Variants in FTO observed in about 807,000 individuals in gnomAD.
FTO encodes the protein alpha-ketoglutarate-dependent dioxygenase FTO.
FTO carries 47 observed loss-of-function variants against 63.9 expected under a neutral mutation model. The observed-to-expected ratio is 0.74, with a 90% CI of 0.58 to 0.94. FTO has a LOEUF of 0.94. FTO is among the 40% of genes least tolerant of loss of function. The probability of loss-of-function intolerance (pLI) is 0.00; values close to 1 mark genes in which losing one functional copy is unlikely to be tolerated. For synonymous variants in FTO, 207 were observed against 224.4 expected, an observed-to-expected ratio of 0.92 and a Z score of 0.69; for missense variants, 562 against 618.1, an observed-to-expected ratio of 0.91 and a Z score of 0.96.
rs2086954628 is a variant in FTO, at chr16:54,114,457, T to G, written c.*2542T>G. ...CAATAAACATATTAAAAGGATGAGA[T>G]AAGAAACCGAGAGATTTTGCTGTTT... On this transcript the variant is annotated 3_prime_UTR_variant, in exon 9 of 9. Coordinates refer to ENST00000471389, the MANE Select transcript of FTO (RefSeq NM_001080432.3). 1 of 152,160 alleles carries G rather than the reference T, an allele frequency of 6.6e-6. No individual in the cohort carries two copies. The highest frequency in any genetic ancestry group is 2.1e-4 in the South Asian group (1 of 4,832). The allele number at this position is 152,160 out of a possible 1,614,324, so 9.4% of individuals were successfully genotyped here.
intron 7 of FTO, among the ~76,000 whole-genome samples, chr16:53,910,729 T>G (rs1322697454): frequency 6.6e-6 from 1 of 152,140 alleles, no homozygotes; most frequent in Non-Finnish European, 1.5e-5. Context: ...AGAGACGAGG[T>G]TTCGCCATGT....
At chr16:53,791,659 A>G (rs2077915274) in intron 1 of FTO, among the ~76,000 whole-genome samples, 2 of 152,206 alleles carry the variant, frequency 1.3e-5, no homozygotes, top group Admixed American at 1.3e-4. Context: ...ATTTTTCATT[A>G]GTGATATAAT....
At chr16:53,787,950 C>T (rs7201850) in intron 1 of FTO, among the ~76,000 whole-genome samples, 66,947 of 151,954 alleles carry the variant, frequency 0.44, 15,207 homozygotes, top group African/African-American at 0.54. Flanking sequence ...TGACCCTGTT[C>T]TCCTGTCCTG....
At chr16:53,971,344 T>C (rs2083312805) in intron 8 of FTO, among the ~76,000 whole-genome samples, 1 of 152,230 alleles carries the variant, frequency 6.6e-6, no homozygotes, top group East Asian at 1.9e-4. Context: ...TTGGTACATA[T>C]TACCAGATTG....
intron 7 of FTO, among the ~76,000 whole-genome samples, chr16:53,907,493 G>A (rs2081569040): frequency 6.6e-6 from 1 of 152,148 alleles, no homozygotes; most frequent in Admixed American, 6.5e-5. Flanking sequence ...GCCAATGATA[G>A]AAATGCAAAA....
intron 4 of FTO, among the ~76,000 whole-genome samples, chr16:53,873,253 C>T (rs550077866): frequency 5.9e-5 from 9 of 152,032 alleles, no homozygotes; most frequent in Admixed American, 1.3e-4. Context: ...AAGCTCAATT[C>T]ATATATAGTG....
At chr16:53,961,237 T>C (rs949661178) in intron 8 of FTO, among the ~76,000 whole-genome samples, 2 of 151,968 alleles carry the variant, frequency 1.3e-5, no homozygotes, top group Non-Finnish European at 2.9e-5. Context: ...AGCCCCCAGA[T>C]AGAGTTATAG....
chr16:54,035,213 G>A (rs766313889), intron 8 of FTO, among the ~76,000 whole-genome samples: 26 of 152,200 alleles, frequency 1.7e-4, no homozygotes, highest in Non-Finnish European at 3.2e-4. Flanking sequence ...TAATTTACAG[G>A]TATATAAACT....
At chr16:53,766,432 A>G (rs1204292301) in intron 1 of FTO, among the ~76,000 whole-genome samples, 1 of 152,130 alleles carries the variant, frequency 6.6e-6, no homozygotes, top group East Asian at 1.9e-4. Flanking sequence ...TGCATTGCCC[A>G]GGCTGGTCTC....
intron 2 of FTO, among the ~76,000 whole-genome samples, chr16:53,824,221 G>A (rs919804475): frequency 4.6e-5 from 7 of 152,196 alleles, no homozygotes; most frequent in Admixed American, 4.6e-4. Flanking sequence ...TGTGTGATCT[G>A]GCCTCCGCCT....
intron 8 of FTO, among the ~76,000 whole-genome samples, chr16:53,955,460 A>C (rs1257790837): frequency 6.6e-6 from 1 of 152,178 alleles, no homozygotes; most frequent in African/African-American, 2.4e-5. Flanking sequence ...TTAAGCTGAG[A>C]TGAGGGGGAA....
intron 3 of FTO, 80 bp from the exon 4 acceptor site, chr16:53,844,075 T>C: frequency 9.1e-7 from 1 of 1,098,424 alleles, no homozygotes; most frequent in Non-Finnish European, 1.3e-6. Context: ...AAATATCAAT[T>C]CTTTCTAAAA....
chr16:54,102,520 G>C (rs1243434202), intron 8 of FTO, among the ~76,000 whole-genome samples: 1 of 152,118 alleles, frequency 6.6e-6, no homozygotes, highest in African/African-American at 2.4e-5. Context: ...AGACCAGTCT[G>C]GGCAACCTAG....
chr16:53,994,929 T>C (rs1355312995), intron 8 of FTO, among the ~76,000 whole-genome samples: 1 of 152,182 alleles, frequency 6.6e-6, no homozygotes. Context: ...GAGACGGGTT[T>C]CACCATGTTG....
intron 2 of FTO, among the ~76,000 whole-genome samples, chr16:53,819,229 C>T: frequency 6.6e-6 from 1 of 152,146 alleles, no homozygotes; most frequent in East Asian, 1.9e-4. Flanking sequence ...CACTCTGTGG[C>T]CCAGGCTTAG....
chr16:53,909,534 T>C (rs1356609303), intron 7 of FTO, among the ~76,000 whole-genome samples: 2 of 87,200 alleles, frequency 2.3e-5, no homozygotes, highest in Admixed American at 2.2e-4. Context: ...AGCCCCGCCT[T>C]TTTTTTTTTT....
At chr16:53,990,785 C>T (rs1025689317) in intron 8 of FTO, among the ~76,000 whole-genome samples, 12 of 151,644 alleles carry the variant, frequency 7.9e-5, no homozygotes, top group East Asian at 1.9e-4. Flanking sequence ...CTCCTGCCTC[C>T]GCCTCCAAAG....
rs552519975 is a variant in FTO, at chr16:54,094,629, G to T, written c.1365-17133G>T. ...CAGGTGGACTTGGGAATCCAGGGAG[G>T]CTTTGGCGTGATTCCTTCTTTTCTA... On this transcript the variant is annotated intron_variant, in intron 8 of 8. Transcript: ENST00000471389. 2.6e-5 allele frequency among the ~76,000 whole-genome samples: 4 copies of T among 152,328 alleles called. No individual in the cohort carries two copies. In the East Asian group the frequency reaches 7.7e-4, roughly 29 times the overall value.
At chr16:54,092,936 A>G (rs1277537031) in intron 8 of FTO, among the ~76,000 whole-genome samples, 1 of 152,248 alleles carries the variant, frequency 6.6e-6, no homozygotes, top group Non-Finnish European at 1.5e-5. Flanking sequence ...AGGAAGCAGC[A>G]TGCTCTATCC....
Sources: allele counts gnomAD v4.1 joint callset (sites outside exome capture counted in the v4.1 genomes callset), GRCh38; gene constraint gnomAD v4.1.1; transcripts MANE v1.5; gene names NCBI Gene and HGNC (gene_info 2026-07-23, HGNC 2026-07-21).